The following RIMBP2 variants were observed in gnomAD, a reference collection of about 807,000 sequenced individuals.
The protein encoded by RIMBP2 is RIMS binding protein 2.
RIMBP2 carries 48 observed loss-of-function variants against 118.6 expected under a neutral mutation model. The ratio of observed to expected loss-of-function variants is 0.40; its 90% CI spans 0.32 to 0.51. The LOEUF (loss-of-function observed/expected upper bound fraction) is 0.51, where lower values mean the gene tolerates loss of function less well. Ranked by LOEUF, RIMBP2 falls within the 20% of genes least tolerant of loss-of-function variation. The pLI is 0.41. For synonymous variants in RIMBP2, 762 were observed against 742.9 expected (o/e 1.03, Z -0.42); for missense variants, 1,551 against 1,768.3 (o/e 0.88, Z 2.20).
At chr12:130,648,943 G>T (rs570594909) in intron 1 of RIMBP2, among the ~76,000 whole-genome samples, 1 of 145,796 alleles carries the variant, frequency 6.9e-6, no homozygotes. Flanking sequence ...GGCGTGAGCC[G>T]CCGAGAAACG....
At chr12:130,543,570 C>T (rs2054807196) in intron 2 of RIMBP2, among the ~76,000 whole-genome samples, 2 of 151,900 alleles carry the variant, frequency 1.3e-5, no homozygotes, top group Admixed American at 6.6e-5. Flanking sequence ...AAAGATGAGC[C>T]CTATAGATTG....
At chr12:130,647,908 CCT>C (rs1174199557) in intron 1 of RIMBP2, among the ~76,000 whole-genome samples, 4 of 135,426 alleles carry the variant, frequency 3.0e-5, no homozygotes, top group Non-Finnish European at 3.5e-5. Flanking sequence ...GCACTAAATG[CCT>C]CTCTTTCTCA....
At chr12:130,438,647 T>G in intron 11 of RIMBP2, 131 bp from the exon 12 acceptor site, 1 of 745,714 alleles carries the variant, frequency 1.3e-6, no homozygotes, top group Non-Finnish European at 2.1e-6. Flanking sequence ...GAGAAGACAG[T>G]GTTGAAAGCA....
chr12:130,470,865 T>A, intron 5 of RIMBP2, 122 bp from the exon 6 acceptor site: 16 of 468,214 alleles, frequency 3.4e-5, no homozygotes, highest in South Asian at 1.2e-4. Flanking sequence ...ATAGAGGAAT[T>A]AAAATTATTC....
chr12:130,609,642 A>G (rs918150524), intron 2 of RIMBP2, among the ~76,000 whole-genome samples: 3 of 131,232 alleles, frequency 2.3e-5, no homozygotes, highest in African/African-American at 5.6e-5. Context: ...ACAGAGGCCA[A>G]TAAGTCCCAT....
intron 1 of RIMBP2, among the ~76,000 whole-genome samples, chr12:130,664,444 CACGCACACACAT>C: frequency 2.7e-5 from 2 of 73,302 alleles, no homozygotes; most frequent in African/African-American, 4.2e-5. Flanking sequence ...TGCACGCACA[CACGCACACACAT>C]GCACGCACAC....
chr12:130,526,772 T>C (rs2052833129), intron 2 of RIMBP2, among the ~76,000 whole-genome samples: 1 of 152,232 alleles, frequency 6.6e-6, no homozygotes, highest in South Asian at 2.1e-4. Flanking sequence ...ATAAGAATGA[T>C]GTAATTATCA....
At chr12:130,611,835 G>A in intron 2 of RIMBP2, among the ~76,000 whole-genome samples, 1 of 152,180 alleles carries the variant, frequency 6.6e-6, no homozygotes, top group East Asian at 1.9e-4. Flanking sequence ...GTTACACGAA[G>A]GCTGTGGTGG....
chr12:130,537,525 T>C (rs2054186591), intron 2 of RIMBP2, among the ~76,000 whole-genome samples: 1 of 152,188 alleles, frequency 6.6e-6, no homozygotes, highest in Non-Finnish European at 1.5e-5. Flanking sequence ...GAAGTCTCAC[T>C]TCCCTCTCCT....
intron 7 of RIMBP2, among the ~76,000 whole-genome samples, chr12:130,455,346 G>A (rs1432610772): frequency 6.6e-6 from 1 of 152,132 alleles, no homozygotes; most frequent in Non-Finnish European, 1.5e-5. Context: ...GCAGCGTCTG[G>A]ATCAGAGGCT....
At chr12:130,551,751 G>T (rs1336104869) in intron 2 of RIMBP2, among the ~76,000 whole-genome samples, 1 of 152,146 alleles carries the variant, frequency 6.6e-6, no homozygotes, top group Non-Finnish European at 1.5e-5. Flanking sequence ...TGTTGCAGTG[G>T]GTCCCTCCAA....
rs569217785 is a variant in RIMBP2 at position 130,591,585 on chromosome 12, G to A, written c.-217+36737C>T. ...CCCTTGAGAGGCTCCGGGGAGGGGC[G>A]GGGGGGCTCCTTCCAGCCCCTTCCA... On this transcript the variant is annotated intron_variant, in intron 2 of 22. Coordinates refer to ENST00000690449, the MANE Select transcript of RIMBP2 (RefSeq NM_001393629.1). 5.3e-5 allele frequency among the ~76,000 whole-genome samples: 8 copies of A among 152,100 alleles called. No homozygotes were observed. In the East Asian group the frequency reaches 9.7e-4, roughly 18 times the overall value.
intron 11 of RIMBP2, among the ~76,000 whole-genome samples, chr12:130,439,053 C>G (rs77190430): frequency 0.031 from 4,648 of 151,958 alleles, 250 homozygotes; most frequent in African/African-American, 0.11. Flanking sequence ...CATCTTACCA[C>G]CCCATGAAAC....
At chr12:130,486,674 C>A (rs986878433) in intron 4 of RIMBP2, among the ~76,000 whole-genome samples, 5 of 151,802 alleles carry the variant, frequency 3.3e-5, no homozygotes, top group African/African-American at 1.2e-4. Flanking sequence ...TGACTTCCTG[C>A]CCCCTTTCCC....
chr12:130,443,720 A>T lies in RIMBP2; in HGVS notation c.692-1060T>A, dbSNP rs544881158. ...CCTTTGCACTGAGGATATGCTATTT[A>T]AAAATCCTTAGTTTGGCATAGGAGG... On this transcript the variant is annotated intron_variant, in intron 10 of 22. Transcript: ENST00000690449. Among the ~76,000 whole-genome samples, 331 of 152,332 alleles carry T rather than the reference A, an allele frequency of 2.2e-3. 1 individual carries two copies. Among genetic ancestry groups the T allele is most frequent in the African/African-American group, 7.5e-3 (313 of 41,574 alleles).
intron 1 of RIMBP2, among the ~76,000 whole-genome samples, chr12:130,663,730 T>G (rs1282822265): frequency 6.6e-6 from 1 of 151,754 alleles, no homozygotes; most frequent in Non-Finnish European, 1.5e-5. Context: ...AACTTCCCGC[T>G]GGGTACTTTA....
chr12:130,579,098 G>T (rs1023572359), intron 2 of RIMBP2, among the ~76,000 whole-genome samples: 24 of 152,146 alleles, frequency 1.6e-4, no homozygotes, highest in Admixed American at 1.3e-3. Flanking sequence ...TGCTTCAGTT[G>T]TTTGTTCTTG....
At chr12:130,524,901 A>C (rs2052603871) in intron 2 of RIMBP2, among the ~76,000 whole-genome samples, 1 of 152,180 alleles carries the variant, frequency 6.6e-6, no homozygotes, top group Non-Finnish European at 1.5e-5. Context: ...AGGAGGGAGA[A>C]AGTGCAGGTT....
intron 1 of RIMBP2, among the ~76,000 whole-genome samples, chr12:130,714,518 C>T (rs1386426907): frequency 1.3e-5 from 2 of 152,188 alleles, no homozygotes; most frequent in Non-Finnish European, 2.9e-5. Context: ...TCCTGTCTCC[C>T]GGGCACGTGG....
Sources: gnomAD v4.1 joint callset for allele counts (sites outside exome capture counted in the v4.1 genomes callset) on GRCh38, gnomAD v4.1.1 for gene constraint, MANE v1.5 for transcripts, NCBI Gene and HGNC (gene_info 2026-07-23, HGNC 2026-07-21) for gene names.